The following GRM8 variants were observed in gnomAD, a reference collection of about 807,000 sequenced individuals.
GRM8 encodes metabotropic glutamate receptor 8.
GRM8 carries 47 observed loss-of-function variants against 87.2 expected under a neutral mutation model. The ratio of observed to expected loss-of-function variants is 0.54; its 90% CI spans 0.43 to 0.69. The LOEUF (loss-of-function observed/expected upper bound fraction) is 0.69, where lower values mean the gene tolerates loss of function less well. Ranked by LOEUF, GRM8 falls within the 30% of genes least tolerant of loss-of-function variation. The probability of loss-of-function intolerance (pLI) is 0.00; values close to 1 mark genes in which losing one functional copy is unlikely to be tolerated. For missense variants in GRM8, 1,019 were observed against 1,139.2 expected (o/e 0.89, Z 1.52); for synonymous variants, 396 against 404.5 (o/e 0.98, Z 0.25).
In GRM8 at chr7:127,015,053, AAG is replaced by A. The variant is rs1429822189; in HGVS notation, c.727+91441_727+91442del. On this transcript the variant is annotated intron_variant, in intron 3 of 10. Coordinates refer to ENST00000339582, the MANE Select transcript of GRM8 (RefSeq NM_000845.3). ...GAAGAAGAAGAAGAAGAAGAAGAAGAAGAAGAAGAAGAAGAAAGAAAGAAGGA... is the reference window on the plus strand; with the variant it reads ...GAAGAAGAAGAAGAAGAAGAAGAAGAAAGAAGAAGAAGAAAGAAAGAAGGA... Among the ~76,000 whole-genome samples the A allele has an allele frequency of 6.1e-3, 764 of 124,778 alleles. 11 individuals carry two copies. The highest frequency in any genetic ancestry group is 0.011 in the Non-Finnish European group (583 of 55,386). The allele number at this position is 124,778 out of a possible 152,430, so 81.9% of individuals were successfully genotyped here. A position where few individuals can be genotyped will look rare whatever the true frequency, so the allele number is the denominator to read the frequency against.
chr7:127,141,973 G>A (rs1313534762), intron 2 of GRM8, among the ~76,000 whole-genome samples: 2 of 151,918 alleles, frequency 1.3e-5, no homozygotes, highest in Non-Finnish European at 2.9e-5. Context: ...TAGTTGACTT[G>A]TCTGTTTTTG....
chr7:126,555,798 G>A (rs778511149), intron 8 of GRM8, among the ~76,000 whole-genome samples: 30 of 152,122 alleles, frequency 2.0e-4, no homozygotes, highest in Non-Finnish European at 2.9e-4. Context: ...AATATGTGTG[G>A]AATACAAATG....
At chr7:126,477,409 T>G (rs943586770) in intron 9 of GRM8, among the ~76,000 whole-genome samples, 1 of 152,188 alleles carries the variant, frequency 6.6e-6, no homozygotes, top group African/African-American at 2.4e-5. Flanking sequence ...AAGATAACTA[T>G]GTGAGGTGAT....
intron 6 of GRM8, among the ~76,000 whole-genome samples, chr7:126,875,647 C>T (rs193171219): frequency 2.0e-5 from 3 of 152,150 alleles, no homozygotes; most frequent in Middle Eastern, 3.4e-3. Context: ...AAAGAACTAT[C>T]GTCTAATTAT....
chr7:127,178,150 G>T (rs1262793541), intron 2 of GRM8, among the ~76,000 whole-genome samples: 2 of 152,116 alleles, frequency 1.3e-5, no homozygotes, highest in East Asian at 3.9e-4. Context: ...ATAGCTTAAA[G>T]AAAAAGCAAT....
At chr7:127,132,135 G>A (rs1827721730) in intron 2 of GRM8, among the ~76,000 whole-genome samples, 1 of 152,194 alleles carries the variant, frequency 6.6e-6, no homozygotes, top group African/African-American at 2.4e-5. Flanking sequence ...CAAATCTGAG[G>A]CCTGGATTTG....
intron 7 of GRM8, among the ~76,000 whole-genome samples, chr7:126,763,105 A>ACCCC (rs1277112782): frequency 1.7e-4 from 21 of 123,904 alleles, no homozygotes; most frequent in African/African-American, 5.6e-4. Flanking sequence ...TTTTGACACA[A>ACCCC]CACCCCCCCA....
chr7:126,728,516 A>G (rs183593516), intron 7 of GRM8, among the ~76,000 whole-genome samples: 64 of 152,246 alleles, frequency 4.2e-4, no homozygotes, highest in African/African-American at 1.5e-3. Flanking sequence ...GAAAGACCAA[A>G]CAAAGGAGCA....
intron 2 of GRM8, among the ~76,000 whole-genome samples, chr7:127,156,798 T>C (rs1455522642): frequency 6.6e-6 from 1 of 152,120 alleles, no homozygotes; most frequent in African/African-American, 2.4e-5. Context: ...GAAGAGAGAT[T>C]ATTGATAACA....
intron 2 of GRM8, 101 bp downstream of exon 2, chr7:127,242,594 G>T: frequency 8.8e-7 from 1 of 1,132,270 alleles, no homozygotes; most frequent in South Asian, 1.5e-5. Context: ...AAGGGTCTAT[G>T]AGCACCTTCA....
chr7:127,031,773 G>A (rs190501457), intron 3 of GRM8, among the ~76,000 whole-genome samples: 46 of 152,148 alleles, frequency 3.0e-4, no homozygotes, highest in African/African-American at 1.1e-3. Flanking sequence ...AAAAATCTTT[G>A]TACCTTTGTT....
intron 9 of GRM8, among the ~76,000 whole-genome samples, chr7:126,447,374 G>A (rs1173338630): frequency 2.6e-5 from 4 of 151,752 alleles, no homozygotes; most frequent in Admixed American, 6.6e-5. Flanking sequence ...CTGAGGCCAC[G>A]GAGAAACCAC....
Position 126,769,905 on chromosome 7 carries a change from C to T in GRM8, c.1317G>A (p.Gly439=). ...GLCPRMSTID[G]KELLGYIRAV... Reference sequence around the variant, plus strand: ...CCCGAATATAACCAAGTAGCTCTTTCCCATCAATGGTACTCATTCGTGGAC... The same window carrying T: ...CCCGAATATAACCAAGTAGCTCTTTTCCATCAATGGTACTCATTCGTGGAC... The change falls in exon 7 of 11, where the codon GGG becomes GGA. Residue 439 remains glycine (G), a synonymous_variant. Coordinates refer to ENST00000339582, the MANE Select transcript of GRM8 (RefSeq NM_000845.3). The T allele has an allele frequency of 8.7e-6, 14 of 1,608,624 alleles. No individual in the cohort carries two copies. Among genetic ancestry groups the T allele is most frequent in the Non-Finnish European group, 1.2e-5 (14 of 1,176,600 alleles).
chr7:127,162,066 G>A (rs1305513780), intron 2 of GRM8, among the ~76,000 whole-genome samples: 7 of 152,094 alleles, frequency 4.6e-5, no homozygotes, highest in Non-Finnish European at 7.4e-5. Flanking sequence ...ATCCTTGATG[G>A]GTCCTTTAAC....
Position 126,988,074 on chromosome 7 carries a change from T to TA in GRM8, c.728-83392dup, listed in dbSNP as rs5887321. Among the ~76,000 whole-genome samples the TA allele has an allele frequency of 5.4e-3, 807 of 148,290 alleles. 8 individuals are homozygous for TA. The highest frequency in any genetic ancestry group is 0.015 in the African/African-American group (602 of 40,444). Reference sequence around the variant, plus strand: ...ATTAAAGACACTAAAGCTCTTCGTTTAAAAAAAAAAAATGACAACACAGAT... The same window carrying TA: ...ATTAAAGACACTAAAGCTCTTCGTTTAAAAAAAAAAAAATGACAACACAGAT... On this transcript the variant is annotated intron_variant, in intron 3 of 10. Coordinates refer to ENST00000339582, the MANE Select transcript of GRM8 (RefSeq NM_000845.3).
intron 10 of GRM8, among the ~76,000 whole-genome samples, chr7:126,441,212 G>T (rs1472800829): frequency 6.6e-6 from 1 of 151,870 alleles, no homozygotes; most frequent in Non-Finnish European, 1.5e-5. Context: ...CAAATATATA[G>T]AAAACATGTG....
At chr7:126,663,666 C>G (rs749706029) in intron 7 of GRM8, among the ~76,000 whole-genome samples, 1 of 152,150 alleles carries the variant, frequency 6.6e-6, no homozygotes, top group Non-Finnish European at 1.5e-5. Context: ...CCATCTATGA[C>G]AAACTCACAG....
At chr7:127,234,642 C>T (rs1563598760) in intron 2 of GRM8, among the ~76,000 whole-genome samples, 1 of 152,200 alleles carries the variant, frequency 6.6e-6, no homozygotes, top group Non-Finnish European at 1.5e-5. Flanking sequence ...TCAGCATCAC[C>T]TGGGAACCAT....
At chr7:127,113,529 T>C (rs1253106966) in intron 2 of GRM8, among the ~76,000 whole-genome samples, 2 of 152,138 alleles carry the variant, frequency 1.3e-5, no homozygotes, top group Non-Finnish European at 1.5e-5. Flanking sequence ...ACCTTGTCCA[T>C]TGATCATGGA....
Sources: allele counts gnomAD v4.1 joint callset (sites outside exome capture counted in the v4.1 genomes callset), GRCh38; gene constraint gnomAD v4.1.1; transcripts MANE v1.5; gene names NCBI Gene and HGNC (gene_info 2026-07-23, HGNC 2026-07-21).